Variants in RABL3 observed in about 807,000 individuals in gnomAD.
RABL3 encodes the protein rab-like protein 3.
In RABL3, 31 loss-of-function variants were observed where a neutral mutation model predicts 31.8. The ratio of observed to expected loss-of-function variants is 0.97; its 90% CI spans 0.73 to 1.31. The LOEUF is 1.31. Among genes scored for constraint, RABL3 ranks in the 40% most tolerant of loss-of-function variants. The probability of loss-of-function intolerance (pLI) is 0.00; values close to 1 mark genes in which losing one functional copy is unlikely to be tolerated. For synonymous variants in RABL3, 97 were observed against 99.9 expected (o/e 0.97, Z 0.18); for missense variants, 263 against 279.6 (o/e 0.94, Z 0.42).
chr3:120,721,428 A>G (rs550538810), intron 2 of RABL3, among the ~76,000 whole-genome samples: 2 of 152,352 alleles, frequency 1.3e-5, no homozygotes, highest in African/African-American at 4.8e-5. Context: ...GTATTCAGGA[A>G]ACCCATCTCA....
At chr3:120,731,992 G>A (rs1046873790) in intron 1 of RABL3, among the ~76,000 whole-genome samples, 1 of 152,130 alleles carries the variant, frequency 6.6e-6, no homozygotes, top group South Asian at 2.1e-4. Flanking sequence ...TCAGGAGTTG[G>A]AGGCTGCAGT....
At chr3:120,696,027 C>T (rs1708431882) in intron 5 of RABL3, among the ~76,000 whole-genome samples, 1 of 152,100 alleles carries the variant, frequency 6.6e-6, no homozygotes, top group South Asian at 2.1e-4. Context: ...CTTGACTGAG[C>T]TTGAGAAAGG....
In RABL3 at chr3:120,686,317, A is replaced by G. The variant is rs1378569082; in HGVS notation, c.*3506T>C. 2.6e-5 allele frequency among the ~76,000 whole-genome samples: 4 copies of G among 152,240 alleles called. No individual in the cohort carries two copies. Among genetic ancestry groups the G allele is most frequent in the Admixed American group, 2.0e-4 (3 of 15,290 alleles). On this transcript the variant is annotated 3_prime_UTR_variant, in exon 8 of 8. Coordinates refer to ENST00000273375, the MANE Select transcript of RABL3 (RefSeq NM_173825.5). ...TGTCACCTGTGCTTTAAAAAATTCA[A>G]TTAAGCCACCATCTAGTAACCCATA...
chr3:120,686,957 C>A lies in RABL3; in HGVS notation c.*2866G>T, dbSNP rs1353998796. ...TTTATGATCTACTTCAGGGAACAGT[C>A]ACTTAGGGTTTATGGCCTGCTTCAG... On this transcript the variant is annotated 3_prime_UTR_variant, in exon 8 of 8. Transcript: ENST00000273375. 1 of 152,118 alleles carries A rather than the reference C, an allele frequency of 6.6e-6. No homozygotes were observed. The highest frequency in any genetic ancestry group is 1.9e-4 in the East Asian group (1 of 5,188). 9.4% of individuals were successfully genotyped at this position (152,118 alleles called of 1,614,324 possible). A position where few individuals can be genotyped will look rare whatever the true frequency, so the allele number is the denominator to read the frequency against.
At chr3:120,698,292 G>T in intron 5 of RABL3, 131 bp downstream of exon 5, 1 of 854,692 alleles carries the variant, frequency 1.2e-6, no homozygotes, top group Non-Finnish European at 1.8e-6. Context: ...TCTTGACTAC[G>T]TTTAGACTAG....
At chr3:120,725,280 T>C (rs140650610) in intron 2 of RABL3, among the ~76,000 whole-genome samples, 3,243 of 152,198 alleles carry the variant, frequency 0.021, 54 homozygotes, top group Middle Eastern at 0.054. Context: ...TGGCAATCAT[T>C]AAAAAGTCAG....
At chr3:120,697,389 G>C (rs1708448706) in intron 5 of RABL3, among the ~76,000 whole-genome samples, 1 of 152,206 alleles carries the variant, frequency 6.6e-6, no homozygotes, top group Non-Finnish European at 1.5e-5. Flanking sequence ...ATGCATGTGA[G>C]ATAATGTATG....
chr3:120,718,057 T>C (rs1267467027), intron 2 of RABL3, among the ~76,000 whole-genome samples: 2 of 152,224 alleles, frequency 1.3e-5, no homozygotes, highest in Non-Finnish European at 2.9e-5. Context: ...ATTCTCAGAC[T>C]GCTTTTGCTT....
rs1708336565 is a variant in RABL3 at position 120,688,160 on chromosome 3, A to C, written c.*1663T>G. On this transcript the variant is annotated 3_prime_UTR_variant, in exon 8 of 8. Coordinates refer to ENST00000273375, the MANE Select transcript of RABL3 (RefSeq NM_173825.5). Reference sequence around the variant, plus strand: ...GAATTTTTTTAAAATTAAAAGAAAGAGGAAGAAAGAAGGAAGGAAGATTTA... The same window carrying C: ...GAATTTTTTTAAAATTAAAAGAAAGCGGAAGAAAGAAGGAAGGAAGATTTA... 1 of 152,642 alleles carries C rather than the reference A, an allele frequency of 6.6e-6. No homozygotes were observed. The highest frequency in any genetic ancestry group is 1.5e-5 in the Non-Finnish European group (1 of 68,042). The allele number at this position is 152,642 out of a possible 1,614,324, so 9.5% of individuals were successfully genotyped here. A position where few individuals can be genotyped will look rare whatever the true frequency, so the allele number is the denominator to read the frequency against.
chr3:120,738,587 G>C (rs561537568), intron 1 of RABL3: 4 of 153,112 alleles, frequency 2.6e-5, no homozygotes, highest in Non-Finnish European at 4.4e-5. Context: ...GCTGTAGACT[G>C]GAGCTGTTCC....
chr3:120,703,725 A>C (rs773632334), intron 4 of RABL3, among the ~76,000 whole-genome samples: 1 of 152,196 alleles, frequency 6.6e-6, no homozygotes, highest in Admixed American at 6.5e-5. Flanking sequence ...GAAAAAGGTC[A>C]TATCACTACA....
Position 120,705,947 on chromosome 3 carries a change from G to T in RABL3, c.383+53C>A, listed in dbSNP as rs112156569. The T allele has an allele frequency of 2.9e-3, 2,942 of 1,029,546 alleles. 57 individuals carry two copies. The African/African-American group carries it at 0.041, about 15-fold the overall frequency. The allele number at this position is 1,029,546 out of a possible 1,614,324, so 63.8% of individuals were successfully genotyped here. A position where few individuals can be genotyped will look rare whatever the true frequency, so the allele number is the denominator to read the frequency against. On this transcript the variant is annotated intron_variant, in intron 4 of 7. Transcript: ENST00000273375. ...ATTTTACAAAGTGTTATTCAGGGAAGTACATTCCTGTGATTGCTACAATCT... is the reference window on the plus strand; with the variant it reads ...ATTTTACAAAGTGTTATTCAGGGAATTACATTCCTGTGATTGCTACAATCT...
At chr3:120,740,520 C>T (rs1709028459) in intron 1 of RABL3, among the ~76,000 whole-genome samples, 1 of 152,136 alleles carries the variant, frequency 6.6e-6, no homozygotes, top group African/African-American at 2.4e-5. Flanking sequence ...CCTCAACCTC[C>T]CAAAGTGCTG....
At position 120,741,225 on chromosome 3, in the gene RABL3, C is replaced by T. The variant is rs1453904940; in HGVS notation, c.46+1237G>A. 2.6e-5 allele frequency among the ~76,000 whole-genome samples: 4 copies of T among 152,192 alleles called. No individual in the cohort carries two copies. The South Asian group carries it at 6.2e-4, about 24-fold the overall frequency. ...AGTGATTTTATTAAATTAACTTCGGCACCACTTCAAGCTACCTGATAGAAA... is the reference window on the plus strand; with the variant it reads ...AGTGATTTTATTAAATTAACTTCGGTACCACTTCAAGCTACCTGATAGAAA... On this transcript the variant is annotated intron_variant, in intron 1 of 7. Coordinates refer to ENST00000273375, the MANE Select transcript of RABL3 (RefSeq NM_173825.5).
intron 2 of RABL3, among the ~76,000 whole-genome samples, chr3:120,730,427 T>C (rs184646334): frequency 4.7e-4 from 71 of 152,236 alleles, no homozygotes; most frequent in African/African-American, 1.6e-3. Context: ...ATATATGGCA[T>C]AGTGATTAAA....
chr3:120,729,635 T>C (rs537676503), intron 2 of RABL3, among the ~76,000 whole-genome samples: 1 of 152,192 alleles, frequency 6.6e-6, no homozygotes, highest in South Asian at 2.1e-4. Context: ...AAGGAACATC[T>C]AGAAATTAAA....
At chr3:120,701,072 T>A (rs1049208221) in intron 4 of RABL3, among the ~76,000 whole-genome samples, 1 of 152,140 alleles carries the variant, frequency 6.6e-6, no homozygotes, top group Non-Finnish European at 1.5e-5. Flanking sequence ...TAGTTTCTTA[T>A]TTTTCACTGA....
Position 120,742,442 on chromosome 3 carries a change from A to C in RABL3, c.46+20T>G, listed in dbSNP as rs769009127. 6.2e-7 allele frequency: 1 copy of C among 1,613,060 alleles called. No individual in the cohort carries two copies. Among genetic ancestry groups the C allele is most frequent in the African/African-American group, 1.3e-5 (1 of 74,892 alleles). On this transcript the variant is annotated intron_variant, in intron 1 of 7. Coordinates refer to ENST00000273375, the MANE Select transcript of RABL3 (RefSeq NM_173825.5). ...AACTCAAAAGTGTCTGGAGCCCCAG[A>C]GGTAGGGTAAGCCGCTCACCTGAGT...
At position 120,731,107 on chromosome 3, in the gene RABL3, G is replaced by T. The variant is rs561600217; in HGVS notation, c.47-320C>A. Among the ~76,000 whole-genome samples the T allele has an allele frequency of 4.8e-5, 7 of 144,420 alleles. 1 individual carries two copies. Among genetic ancestry groups the T allele is most frequent in the Admixed American group, 3.4e-4 (5 of 14,668 alleles). The allele number at this position is 144,420 out of a possible 152,430, so 94.7% of individuals were successfully genotyped here. A position where few individuals can be genotyped will look rare whatever the true frequency, so the allele number is the denominator to read the frequency against. The stretch of plus-strand genomic sequence containing the variant: ...AAGTGATACTGATACTGGTCCAGGG[G>T]TCTCACTTTGAGAACCACTGGTCCA... On this transcript the variant is annotated intron_variant, in intron 1 of 7. Coordinates refer to ENST00000273375, the MANE Select transcript of RABL3 (RefSeq NM_173825.5).
Sources: allele counts gnomAD v4.1 joint callset (sites outside exome capture counted in the v4.1 genomes callset), GRCh38; gene constraint gnomAD v4.1.1; transcripts MANE v1.5; gene names NCBI Gene and HGNC (gene_info 2026-07-23, HGNC 2026-07-21).